CCND3: variants seen among roughly 807,000 people sequenced by gnomAD.
CCND3 encodes the protein cyclin D3.
Under a neutral mutation model 28.7 loss-of-function variants are expected in CCND3, and 9 were observed. The ratio of observed to expected loss-of-function variants is 0.31; its 90% CI spans 0.19 to 0.55. The LOEUF is 0.55. Among genes scored for constraint, CCND3 ranks in the 20% least tolerant of loss-of-function variants. The pLI, the probability that CCND3 is intolerant of heterozygous loss-of-function variation, is 0.93. For missense variants in CCND3, 315 were observed against 385.8 expected, an observed-to-expected ratio of 0.82 and a Z score of 1.54; for synonymous variants, 164 against 163.9, an observed-to-expected ratio of 1.00 and a Z score of 0.00.
At chr6:41,971,210 G>A (rs878947847) in intron 1 of CCND3, among the ~76,000 whole-genome samples, 2 of 152,066 alleles carry the variant, frequency 1.3e-5, no homozygotes, top group Admixed American at 6.5e-5. Flanking sequence ...GAGCCATCGC[G>A]CCCAGCCTCC....
chr6:42,032,357 G>C (rs1582184112), intron 1 of CCND3, among the ~76,000 whole-genome samples: 1 of 152,170 alleles, frequency 6.6e-6, no homozygotes, highest in African/African-American at 2.4e-5. Context: ...AAACTTCTAG[G>C]GGTTACACAC....
rs9529 is a variant in CCND3 at position 41,935,269 on chromosome 6, T to C, written c.*671A>G. 179,237 of 233,632 alleles carry C rather than the reference T, an allele frequency of 0.77. 69,710 individuals carry two copies. Among genetic ancestry groups the C allele is most frequent in the African/African-American group, 0.95 (43,005 of 45,462 alleles). The allele number at this position is 233,632 out of a possible 1,614,324, so 14.5% of individuals were successfully genotyped here. ...TTGTGGGATGGCCAGGACCCCATTA[T>C]GTCCTCTTAAAGTTGTGCTCAAAGC... On this transcript the variant is annotated 3_prime_UTR_variant, in exon 5 of 5. Coordinates refer to ENST00000372991, the MANE Select transcript of CCND3 (RefSeq NM_001760.5).
At chr6:42,016,866 T>C (rs1243711439) in intron 1 of CCND3, among the ~76,000 whole-genome samples, 1 of 152,198 alleles carries the variant, frequency 6.6e-6, no homozygotes, top group African/African-American at 2.4e-5. Context: ...ATTACAGGTG[T>C]GAGCCACCAC....
intron 1 of CCND3, among the ~76,000 whole-genome samples, chr6:41,990,399 A>G (rs555131927): frequency 6.6e-6 from 1 of 152,238 alleles, no homozygotes; most frequent in South Asian, 2.1e-4. Context: ...TCACTGTACT[A>G]TCTATCAACA....
intron 1 of CCND3, among the ~76,000 whole-genome samples, chr6:41,956,387 G>C (rs972784384): frequency 3.9e-5 from 6 of 152,200 alleles, no homozygotes; most frequent in Non-Finnish European, 8.8e-5. Flanking sequence ...CCTTTAGAAA[G>C]GGCTGGGAAA....
At chr6:41,987,475 TTTTCTCTCTCTCTCTCTC>T (rs201061525) in intron 1 of CCND3, among the ~76,000 whole-genome samples, 25 of 109,976 alleles carry the variant, frequency 2.3e-4, no homozygotes, top group Admixed American at 6.1e-4. Flanking sequence ...TGGACCAGGC[TTTTCTCTCTCTCTCTCTC>T]TCTCTCTCTC....
At chr6:41,960,954 T>C (rs555408890) in intron 1 of CCND3, among the ~76,000 whole-genome samples, 2 of 152,194 alleles carry the variant, frequency 1.3e-5, no homozygotes, top group South Asian at 2.1e-4. Context: ...GGGGGAGAAC[T>C]CAGGATCTCC....
At chr6:41,981,987 T>C (rs1384257998) in intron 1 of CCND3, among the ~76,000 whole-genome samples, 1 of 150,774 alleles carries the variant, frequency 6.6e-6, no homozygotes, top group Non-Finnish European at 1.5e-5. Context: ...AAGTCAATCA[T>C]GGCCGGGCAC....
At chr6:41,974,402 G>T (rs1436186121) in intron 1 of CCND3, among the ~76,000 whole-genome samples, 1 of 152,070 alleles carries the variant, frequency 6.6e-6, no homozygotes, top group Non-Finnish European at 1.5e-5. Flanking sequence ...TCTGGCAGGG[G>T]GTATCATCAT....
chr6:41,972,739 AG>A (rs1762068602), intron 1 of CCND3, among the ~76,000 whole-genome samples: 2 of 151,946 alleles, frequency 1.3e-5, no homozygotes, highest in Admixed American at 1.3e-4. Flanking sequence ...AGGGAGACTG[AG>A]GTGCAGTGGC....
chr6:42,013,096 T>C (rs1014509383), intron 1 of CCND3, among the ~76,000 whole-genome samples: 1 of 152,202 alleles, frequency 6.6e-6, no homozygotes, highest in African/African-American at 2.4e-5. Flanking sequence ...CTAATGATCT[T>C]AGTCATCCTT....
At chr6:41,989,263 G>C (rs907660151) in intron 1 of CCND3, among the ~76,000 whole-genome samples, 4 of 151,548 alleles carry the variant, frequency 2.6e-5, no homozygotes, top group Non-Finnish European at 4.4e-5. Flanking sequence ...GTTCGAGATC[G>C]GCCTGGCCAA....
At chr6:41,999,030 A>G (rs1361638617) in intron 1 of CCND3, among the ~76,000 whole-genome samples, 1 of 152,012 alleles carries the variant, frequency 6.6e-6, no homozygotes, top group Non-Finnish European at 1.5e-5. Context: ...CCAGAGAGGT[A>G]TTACTATCCT....
intron 1 of CCND3, among the ~76,000 whole-genome samples, chr6:42,041,625 A>C (rs1582194409): frequency 6.6e-6 from 1 of 152,160 alleles, no homozygotes; most frequent in Non-Finnish European, 1.5e-5. Flanking sequence ...GGCTGCTGGG[A>C]GGAAACAGCA....
chr6:41,974,474 G>A (rs1276985812), intron 1 of CCND3, among the ~76,000 whole-genome samples: 1 of 152,134 alleles, frequency 6.6e-6, no homozygotes, highest in East Asian at 1.9e-4. Flanking sequence ...GTAGCTGGGG[G>A]TTGCTAGGGC....
chr6:41,955,846 G>A (rs1322247429), intron 1 of CCND3, among the ~76,000 whole-genome samples: 7 of 152,030 alleles, frequency 4.6e-5, no homozygotes, highest in African/African-American at 1.4e-4. Context: ...CAGCTACATG[G>A]GAGGCTGAGG....
At chr6:41,946,563 T>C (rs1443285546), upstream of CCND3, among the ~76,000 whole-genome samples, 2 of 115,854 alleles carry the variant, frequency 1.7e-5, no homozygotes, top group Non-Finnish European at 3.2e-5. Context: ...ATCGCACTAC[T>C]GCACTCCACC....
intron 1 of CCND3, chr6:42,031,333 G>A (rs1347994980): frequency 6.6e-6 from 1 of 152,212 alleles, no homozygotes; most frequent in Admixed American, 6.6e-5. Context: ...GGTCACCCCA[G>A]AGTCACCTGG....
intron 1 of CCND3, among the ~76,000 whole-genome samples, chr6:42,037,187 G>A (rs533071410): frequency 1.3e-4 from 19 of 151,988 alleles, no homozygotes; most frequent in South Asian, 1.2e-3. Flanking sequence ...TGATCCACCC[G>A]CCTTGGCCTC....
Sources: gnomAD v4.1 joint callset for allele counts (sites outside exome capture counted in the v4.1 genomes callset) on GRCh38, gnomAD v4.1.1 for gene constraint, MANE v1.5 for transcripts, NCBI Gene and HGNC (gene_info 2026-07-23, HGNC 2026-07-21) for gene names.